The following RAPGEF5 variants were observed in gnomAD, a reference collection of about 807,000 sequenced individuals.
The protein encoded by RAPGEF5 is Rap guanine nucleotide exchange factor 5, also known as M-Ras-regulated GEF.
In RAPGEF5, 65 loss-of-function variants were observed where a neutral mutation model predicts 125.2. The observed-to-expected ratio is 0.52, with a 90% CI of 0.43 to 0.64. The LOEUF is 0.64. RAPGEF5 is among the 30% of genes least tolerant of loss of function. The pLI, the probability that RAPGEF5 is intolerant of heterozygous loss-of-function variation, is 0.00. For missense variants in RAPGEF5, 958 were observed against 1,048.1 expected (o/e 0.91, Z 1.19); for synonymous variants, 391 against 385.9 (o/e 1.01, Z -0.16).
intron 4 of RAPGEF5, 131 bp downstream of exon 4, chr7:22,309,838 G>T (rs1323436639): frequency 9.3e-7 from 1 of 1,069,780 alleles, no homozygotes; most frequent in Non-Finnish European, 1.3e-6. Context: ...TAGAAAATAA[G>T]AGAGAATACA....
At chr7:22,279,934 C>T (rs1782637416) in intron 6 of RAPGEF5, among the ~76,000 whole-genome samples, 1 of 152,130 alleles carries the variant, frequency 6.6e-6, no homozygotes, top group African/African-American at 2.4e-5. Context: ...GGGATGGCCT[C>T]CATTTCCAGG....
chr7:22,220,970 G>A (rs1349356312), intron 8 of RAPGEF5, among the ~76,000 whole-genome samples: 1 of 152,168 alleles, frequency 6.6e-6, no homozygotes, highest in Non-Finnish European at 1.5e-5. Context: ...TTAACGGTTT[G>A]TGCTAAAGAT....
chr7:22,120,747 A>G lies in RAPGEF5; in HGVS notation c.*1659T>C, dbSNP rs1044284747. Reference sequence around the variant, plus strand: ...TATAAATGTTCAGGACTGAAGTTTTACATGCTGGGCCAAACTAAGTCTCTC... The same window carrying G: ...TATAAATGTTCAGGACTGAAGTTTTGCATGCTGGGCCAAACTAAGTCTCTC... On this transcript the variant is annotated 3_prime_UTR_variant, in exon 26 of 26. Coordinates refer to ENST00000665637, the MANE Select transcript of RAPGEF5 (RefSeq NM_012294.5). The surrounding 1 kb of genome is among the most constrained non-coding windows in gnomAD (Gnocchi z 4.0). 6.6e-6 allele frequency: 1 copy of G among 152,266 alleles called. No homozygotes were observed. Among genetic ancestry groups the G allele is most frequent in the Non-Finnish European group, 1.5e-5 (1 of 68,092 alleles). The allele number at this position is 152,266 out of a possible 1,614,324, so 9.4% of individuals were successfully genotyped here. A position where few individuals can be genotyped will look rare whatever the true frequency, so the allele number is the denominator to read the frequency against.
At chr7:22,293,447 C>T (rs1161801607) in intron 5 of RAPGEF5, among the ~76,000 whole-genome samples, 1 of 152,184 alleles carries the variant, frequency 6.6e-6, no homozygotes, top group Non-Finnish European at 1.5e-5. Flanking sequence ...TCCTTCCCTG[C>T]CAAGCCTCTT....
intron 7 of RAPGEF5, among the ~76,000 whole-genome samples, chr7:22,260,937 C>T (rs2128140403): frequency 6.6e-6 from 1 of 152,214 alleles, no homozygotes; most frequent in South Asian, 2.1e-4. Context: ...CCAAGCACAG[C>T]ATATATATAA....
At chr7:22,220,089 A>T in intron 8 of RAPGEF5, 98 bp from the exon 9 acceptor site, 1 of 1,414,980 alleles carries the variant, frequency 7.1e-7, no homozygotes, top group Non-Finnish European at 9.7e-7. Context: ...CATCTTTTCC[A>T]CTGCCTGGAT....
At chr7:22,197,893 T>TGTGG (rs1554327471) in intron 9 of RAPGEF5, among the ~76,000 whole-genome samples, 6 of 116,354 alleles carry the variant, frequency 5.2e-5, no homozygotes, top group African/African-American at 2.0e-4. Context: ...TCTTTTTTTT[T>TGTGG]GGGGGGGGGT....
intron 7 of RAPGEF5, among the ~76,000 whole-genome samples, chr7:22,248,186 A>T (rs1286884628): frequency 6.6e-6 from 1 of 152,210 alleles, no homozygotes; most frequent in African/African-American, 2.4e-5. Flanking sequence ...ACCCTGTGCT[A>T]GAGTAGGCCC....
intron 11 of RAPGEF5, among the ~76,000 whole-genome samples, chr7:22,172,971 G>C (rs563819835): frequency 1.3e-5 from 2 of 152,172 alleles, no homozygotes; most frequent in Non-Finnish European, 2.9e-5. Context: ...ATGGTAATGT[G>C]AATATTCAAC....
At chr7:22,139,457 C>T (rs1562711045) in intron 21 of RAPGEF5, among the ~76,000 whole-genome samples, 2 of 152,208 alleles carry the variant, frequency 1.3e-5, no homozygotes, top group African/African-American at 4.8e-5. Context: ...GGTCTTCCCA[C>T]ATGAATGTCG....
intron 5 of RAPGEF5, among the ~76,000 whole-genome samples, chr7:22,302,271 T>C (rs1033401423): frequency 2.0e-5 from 3 of 152,274 alleles, no homozygotes; most frequent in South Asian, 4.2e-4. Flanking sequence ...ATCACAGTAA[T>C]ATTAGCCAGT....
At chr7:22,198,427 C>T (rs1785202717) in intron 9 of RAPGEF5, among the ~76,000 whole-genome samples, 1 of 152,196 alleles carries the variant, frequency 6.6e-6, no homozygotes, top group South Asian at 2.1e-4. Flanking sequence ...ACATATACAT[C>T]AGATCAGAAG....
At chr7:22,257,120 C>A (rs1489461749) in intron 7 of RAPGEF5, among the ~76,000 whole-genome samples, 1 of 152,150 alleles carries the variant, frequency 6.6e-6, no homozygotes, top group Non-Finnish European at 1.5e-5. Context: ...AGAAATCCGG[C>A]AGGACCACCT....
chr7:22,275,228 C>A (rs184415389), intron 6 of RAPGEF5, among the ~76,000 whole-genome samples: 2 of 152,300 alleles, frequency 1.3e-5, no homozygotes, highest in African/African-American at 2.4e-5. Context: ...ATACTTGTTT[C>A]AATTATAGCA....
At chr7:22,258,377 TTGG>T (rs1195504149) in intron 7 of RAPGEF5, among the ~76,000 whole-genome samples, 2 of 151,960 alleles carry the variant, frequency 1.3e-5, no homozygotes, top group Non-Finnish European at 1.5e-5. Flanking sequence ...TCCCAGCACT[TTGG>T]GAGGCCGAGG....
rs575215109 is a variant in RAPGEF5 at position 22,297,862 on chromosome 7, C to T, written c.681-6621G>A. 3.3e-3 allele frequency among the ~76,000 whole-genome samples: 507 copies of T among 152,218 alleles called. 2 individuals are homozygous for T. The highest frequency in any genetic ancestry group is 5.2e-3 in the Non-Finnish European group (351 of 68,000). On this transcript the variant is annotated intron_variant, in intron 5 of 25. Coordinates refer to ENST00000665637, the MANE Select transcript of RAPGEF5 (RefSeq NM_012294.5). Reference sequence around the variant, plus strand: ...TAGTAGGCAAGCATTTAGTCTCTTACCATTAAGTATGATGCAAGCTATGGG... The same window carrying T: ...TAGTAGGCAAGCATTTAGTCTCTTATCATTAAGTATGATGCAAGCTATGGG...
Position 22,345,744 on chromosome 7 carries a change from G to A in RAPGEF5, c.231+11086C>T, listed in dbSNP as rs562218478. On this transcript the variant is annotated intron_variant, in intron 1 of 25. Transcript: ENST00000665637. Reference sequence around the variant, plus strand: ...TAGAGAGTTATGTGCCAAGAGCAGTGGGAAATTTGAATGCTTAAACAGTAC... The same window carrying A: ...TAGAGAGTTATGTGCCAAGAGCAGTAGGAAATTTGAATGCTTAAACAGTAC... Among the ~76,000 whole-genome samples the A allele has an allele frequency of 4.0e-5, 6 of 148,510 alleles. No individual in the cohort carries two copies. The South Asian group carries it at 1.3e-3, about 32-fold the overall frequency.
chr7:22,154,600 G>C lies in RAPGEF5; in HGVS notation c.1641C>G (p.Phe547Leu). ...AGTGCTCTGTTATATACACGTGGCA[G>C]AAAACTGCACAAGTGAAAAGAATTG... The part of the protein sequence containing the change: ...RGTVTETEEI[F>L]CHVYITEHSY... The change falls in exon 17 of 26, where the codon TTC becomes TTG. Residue 547 changes from phenylalanine (F) to leucine (L), a missense_variant. Transcript: ENST00000665637. 6.2e-7 allele frequency: 1 copy of C among 1,612,656 alleles called. No individual in the cohort carries two copies. Among genetic ancestry groups the C allele is most frequent in the Non-Finnish European group, 8.5e-7 (1 of 1,179,252 alleles).
At position 22,157,594 on chromosome 7, in the gene RAPGEF5, G is replaced by T. The variant is rs183388167; in HGVS notation, c.1557+261C>A. ...TTTATATCACTCCAGGGATAGCAGG[G>T]AGTCCCAAGACTCTAAAATGCACCA... On this transcript the variant is annotated intron_variant, in intron 15 of 25. Coordinates refer to ENST00000665637, the MANE Select transcript of RAPGEF5 (RefSeq NM_012294.5). 4.0e-3 allele frequency among the ~76,000 whole-genome samples: 616 copies of T among 152,280 alleles called. 2 individuals carry two copies. Among genetic ancestry groups the T allele is most frequent in the Non-Finnish European group, 6.4e-3 (438 of 68,036 alleles).
Sources: gnomAD v4.1 joint callset for allele counts (sites outside exome capture counted in the v4.1 genomes callset) on GRCh38, gnomAD v4.1.1 for gene constraint, Gnocchi (gnomAD v3.1) non-coding constraint, MANE v1.5 for transcripts, NCBI Gene and HGNC (gene_info 2026-07-23, HGNC 2026-07-21) for gene names.